The following RNF115 variants were observed in gnomAD, a reference collection of about 807,000 sequenced individuals.
The protein encoded by RNF115 is ring finger protein 115.
RNF115 carries 31 observed loss-of-function variants against 39.2 expected under a neutral mutation model. The observed-to-expected ratio is 0.79, with a 90% CI of 0.59 to 1.07. The LOEUF is 1.07. RNF115 is among the 50% of genes least tolerant of loss of function. The pLI, the probability that RNF115 is intolerant of heterozygous loss-of-function variation, is 0.00. For synonymous variants in RNF115, 124 were observed against 131.0 expected, an observed-to-expected ratio of 0.95 and a Z score of 0.37; for missense variants, 384 against 381.7, an observed-to-expected ratio of 1.01 and a Z score of -0.05.
At chr1:145,806,841 T>G (rs749767517) in intron 1 of RNF115, among the ~76,000 whole-genome samples, 43 of 152,358 alleles carry the variant, frequency 2.8e-4, no homozygotes, top group Middle Eastern at 3.4e-3. Context: ...AGTCTTTTTC[T>G]GTCGCCCAGG....
chr1:145,772,874 G>C (rs1553715959), intron 3 of RNF115: 1 of 151,952 alleles, frequency 6.6e-6, no homozygotes, highest in Non-Finnish European at 1.5e-5. Context: ...ACATCTCCTG[G>C]ACTCTGTTCA....
intron 8 of RNF115, among the ~76,000 whole-genome samples, chr1:145,747,741 T>G (rs1657928337): frequency 6.6e-6 from 1 of 152,198 alleles, no homozygotes; most frequent in South Asian, 2.1e-4. Flanking sequence ...AGCACAAAAG[T>G]AGCCACAATC....
chr1:145,751,673 C>A (rs587594064), intron 5 of RNF115, among the ~76,000 whole-genome samples, 163 bp from the exon 6 acceptor site: 1 of 152,210 alleles, frequency 6.6e-6, no homozygotes, highest in Admixed American at 6.5e-5. Context: ...CAAGATCAAA[C>A]AGACTATCCA....
chr1:145,763,491 A>C (rs1470739719), intron 4 of RNF115, among the ~76,000 whole-genome samples: 3 of 152,236 alleles, frequency 2.0e-5, no homozygotes, highest in Non-Finnish European at 4.4e-5. Flanking sequence ...TGAGATCAGG[A>C]GTTCGAGACC....
chr1:145,764,693 G>A (rs905379199), intron 4 of RNF115, among the ~76,000 whole-genome samples: 1 of 150,476 alleles, frequency 6.6e-6, no homozygotes, highest in African/African-American at 2.5e-5. Context: ...GCAGCCACTC[G>A]GTCCGGGAGG....
intron 1 of RNF115, among the ~76,000 whole-genome samples, chr1:145,798,359 TA>T (rs1206798348): frequency 1.3e-5 from 2 of 152,194 alleles, no homozygotes; most frequent in African/African-American, 4.8e-5. Context: ...TAGTGTAAAA[TA>T]TGAGTCCAAA....
chr1:145,748,243 T>C, intron 7 of RNF115, 133 bp from the exon 8 acceptor site: 1 of 624,866 alleles, frequency 1.6e-6, no homozygotes, highest in Non-Finnish European at 2.9e-6. Flanking sequence ...TACACCCAAG[T>C]AGCAGGCAGC....
intron 1 of RNF115, among the ~76,000 whole-genome samples, chr1:145,810,857 T>C (rs1649662312): frequency 6.8e-6 from 1 of 146,906 alleles, no homozygotes; most frequent in East Asian, 2.0e-4. Context: ...TTCTGCATAA[T>C]TTTATTTATT....
At chr1:145,753,756 G>A (rs908464168) in intron 4 of RNF115, among the ~76,000 whole-genome samples, 3 of 152,050 alleles carry the variant, frequency 2.0e-5, no homozygotes, top group Admixed American at 6.5e-5. Context: ...TCGCTCTGCC[G>A]CCCAGGCTGG....
intron 3 of RNF115, chr1:145,773,045 T>C (rs930963467): frequency 6.6e-6 from 1 of 152,354 alleles, no homozygotes; most frequent in Non-Finnish European, 1.5e-5. Context: ...AATTTCTCTT[T>C]GCCTACTTTT....
At chr1:145,769,760 T>A (rs1179947887) in intron 4 of RNF115, among the ~76,000 whole-genome samples, 9 of 125,574 alleles carry the variant, frequency 7.2e-5, no homozygotes, top group African/African-American at 1.5e-4. Flanking sequence ...TAAAAATCCT[T>A]AAAAAAAAAA....
chr1:145,751,622 T>C, intron 5 of RNF115, 112 bp from the exon 6 acceptor site: 1 of 610,646 alleles, frequency 1.6e-6, no homozygotes, highest in South Asian at 2.2e-5. Context: ...GGAAAGTCAC[T>C]AGTCCTCCAG....
At chr1:145,751,139 T>C (rs1273552922) in intron 6 of RNF115, among the ~76,000 whole-genome samples, 1 of 152,216 alleles carries the variant, frequency 6.6e-6, no homozygotes, top group Admixed American at 6.5e-5. Context: ...TATTTGTTAA[T>C]AGAATCCTTA....
At chr1:145,768,334 G>T (rs1221707192) in intron 4 of RNF115, among the ~76,000 whole-genome samples, 1 of 152,206 alleles carries the variant, frequency 6.6e-6, no homozygotes, top group African/African-American at 2.4e-5. Flanking sequence ...TCTTTTTCTT[G>T]AAATGAGGTC....
chr1:145,797,562 C>T (rs1161520167), intron 1 of RNF115, among the ~76,000 whole-genome samples: 1 of 152,104 alleles, frequency 6.6e-6, no homozygotes, highest in Non-Finnish European at 1.5e-5. Flanking sequence ...AGGACATCTG[C>T]GTTGTTTTCA....
intron 3 of RNF115, among the ~76,000 whole-genome samples, chr1:145,782,665 G>A (rs1553717593): frequency 6.6e-6 from 1 of 152,108 alleles, no homozygotes; most frequent in East Asian, 1.9e-4. Flanking sequence ...TTTCTGGTGA[G>A]TCATACCTAC....
intron 4 of RNF115, among the ~76,000 whole-genome samples, chr1:145,767,376 G>C (rs1647379610): frequency 6.6e-6 from 1 of 151,904 alleles, no homozygotes; most frequent in African/African-American, 2.4e-5. Context: ...TCCCAGACGG[G>C]GTGGCAGGGC....
chr1:145,781,693 G>A (rs1648154782), intron 3 of RNF115, among the ~76,000 whole-genome samples: 1 of 152,152 alleles, frequency 6.6e-6, no homozygotes, highest in African/African-American at 2.4e-5. Flanking sequence ...GAGAGGCACT[G>A]AGAGATTCTA....
At chr1:145,822,125 G>A (rs1444724684) in intron 1 of RNF115, among the ~76,000 whole-genome samples, 2 of 151,978 alleles carry the variant, frequency 1.3e-5, no homozygotes, top group African/African-American at 2.4e-5. Context: ...TCAAGAGTTC[G>A]AGACCAGCCT....
Sources: allele counts gnomAD v4.1 joint callset (sites outside exome capture counted in the v4.1 genomes callset), GRCh38; gene constraint gnomAD v4.1.1; transcripts MANE v1.5; gene names NCBI Gene and HGNC (gene_info 2026-07-23, HGNC 2026-07-21).